The following ZNF438 variants were observed in gnomAD, a reference collection of about 807,000 sequenced individuals.
The protein encoded by ZNF438 is zinc finger protein 438.
ZNF438 carries 25 observed loss-of-function variants against 38.0 expected under a neutral mutation model. That is an observed-to-expected ratio of 0.66 (90% confidence interval 0.48 to 0.92). The LOEUF (loss-of-function observed/expected upper bound fraction) is 0.92, where lower values mean the gene tolerates loss of function less well. Among genes scored for constraint, ZNF438 ranks in the 40% least tolerant of loss-of-function variants. The pLI, the probability that ZNF438 is intolerant of heterozygous loss-of-function variation, is 0.00. For synonymous variants in ZNF438, 372 were observed against 364.1 expected, an observed-to-expected ratio of 1.02 and a Z score of -0.25; for missense variants, 1,007 against 999.6, an observed-to-expected ratio of 1.01 and a Z score of -0.10.
chr10:30,892,018 TAAAG>T (rs1320553983), intron 3 of ZNF438, among the ~76,000 whole-genome samples: 2 of 152,162 alleles, frequency 1.3e-5, no homozygotes, highest in South Asian at 2.1e-4. Flanking sequence ...AACCATAAAA[TAAAG>T]AGGCTGTCAT....
At chr10:30,998,458 G>GC (rs1444876701) in intron 1 of ZNF438, among the ~76,000 whole-genome samples, 2 of 147,286 alleles carry the variant, frequency 1.4e-5, no homozygotes, top group Admixed American at 1.4e-4. Flanking sequence ...CAGGAGAATG[G>GC]CGTGAACCCG....
chr10:30,917,870 C>G (rs2043827717), intron 2 of ZNF438, among the ~76,000 whole-genome samples: 2 of 152,106 alleles, frequency 1.3e-5, no homozygotes, highest in African/African-American at 4.8e-5. Flanking sequence ...CCTAAGAAAT[C>G]TTTGCCTACC....
At chr10:30,852,488 A>T (rs2033842214) in intron 4 of ZNF438, among the ~76,000 whole-genome samples, 1 of 152,156 alleles carries the variant, frequency 6.6e-6, no homozygotes, top group African/African-American at 2.4e-5. Context: ...GATTACAGGC[A>T]TGAGCCACCG....
chr10:30,877,052 G>T, exon 4 of ZNF438: 1 of 1,597,002 alleles, frequency 6.3e-7, no homozygotes, highest in South Asian at 1.1e-5. Flanking sequence ...TACTGGACTT[G>T]AATAGTATCT....
At chr10:30,902,712 C>T (rs1197589310) in intron 3 of ZNF438, among the ~76,000 whole-genome samples, 1 of 152,240 alleles carries the variant, frequency 6.6e-6, no homozygotes, top group Non-Finnish European at 1.5e-5. Flanking sequence ...AAAAGTTTTC[C>T]AAGTCCTCAC....
chr10:31,011,648 A>G (rs1440175362), intron 1 of ZNF438, among the ~76,000 whole-genome samples: 1 of 152,164 alleles, frequency 6.6e-6, no homozygotes, highest in Admixed American at 6.5e-5. Context: ...TTAAAGGAAT[A>G]GCAACGAGAT....
At chr10:30,895,050 G>A (rs928329884) in intron 3 of ZNF438, among the ~76,000 whole-genome samples, 4 of 152,164 alleles carry the variant, frequency 2.6e-5, no homozygotes, top group African/African-American at 7.2e-5. Context: ...TAACACATAG[G>A]AAAGATGAGA....
At chr10:30,901,705 T>C (rs1589103112) in intron 3 of ZNF438, among the ~76,000 whole-genome samples, 1 of 151,510 alleles carries the variant, frequency 6.6e-6, no homozygotes. Flanking sequence ...TAGGCGATGG[T>C]CCCTTCGTGG....
intron 2 of ZNF438, among the ~76,000 whole-genome samples, chr10:30,926,050 T>C (rs2044873883): frequency 6.6e-6 from 1 of 152,154 alleles, no homozygotes; most frequent in Non-Finnish European, 1.5e-5. Flanking sequence ...CACACAGTCA[T>C]AAAACACTTA....
chr10:31,021,548 A>G (rs1342603411), intron 1 of ZNF438, among the ~76,000 whole-genome samples: 1 of 152,162 alleles, frequency 6.6e-6, no homozygotes, highest in Non-Finnish European at 1.5e-5. Context: ...TGGTTATGCT[A>G]TATATCATTT....
At chr10:30,853,452 G>C (rs2034059911) in intron 4 of ZNF438, among the ~76,000 whole-genome samples, 1 of 152,142 alleles carries the variant, frequency 6.6e-6, no homozygotes, top group African/African-American at 2.4e-5. Context: ...TCCAGCCATG[G>C]TGGCCTCTTT....
exon 5 of ZNF438, chr10:30,849,352 C>T: frequency 6.2e-7 from 1 of 1,614,256 alleles, no homozygotes; most frequent in Non-Finnish European, 8.5e-7. Context: ...TCTGCTGTGA[C>T]ACTTGTGGAA....
intron 4 of ZNF438, among the ~76,000 whole-genome samples, chr10:30,858,140 C>T (rs1588817145): frequency 6.6e-6 from 1 of 152,234 alleles, no homozygotes; most frequent in African/African-American, 2.4e-5. Flanking sequence ...TTGAAACAGG[C>T]CCCCTGGATC....
At chr10:30,998,464 A>G (rs1362764208) in intron 1 of ZNF438, among the ~76,000 whole-genome samples, 2 of 140,906 alleles carry the variant, frequency 1.4e-5, no homozygotes, top group Non-Finnish European at 3.0e-5. Context: ...AATGGCGTGA[A>G]CCCGAGAGGC....
intron 1 of ZNF438, among the ~76,000 whole-genome samples, chr10:30,994,151 A>G (rs985317276): frequency 2.6e-5 from 4 of 152,230 alleles, no homozygotes; most frequent in African/African-American, 9.6e-5. Context: ...TTTACATGAG[A>G]CTTGGAACTT....
In ZNF438 at chr10:30,845,348, G is replaced by A. The variant is rs1367364541; in HGVS notation, c.2100C>T (p.Asp700=). 4 of 1,614,148 alleles carry A rather than the reference G, an allele frequency of 2.5e-6. No individual in the cohort carries two copies. In the Admixed American group the frequency reaches 5.0e-5, roughly 20 times the overall value. Reference sequence around the variant, plus strand: ...TCCCTCTCTCAGGATGCCTTTTCCAGTCGGGGCTAGCGTGCTGCACCAACT... The same window carrying A: ...TCCCTCTCTCAGGATGCCTTTTCCAATCGGGGCTAGCGTGCTGCACCAACT... The change falls in exon 6 of 6, where the codon GAC becomes GAT. Residue 700 remains aspartate, a synonymous_variant. Transcript: ENST00000413025.
chr10:30,986,908 T>G (rs1229278416), intron 1 of ZNF438, among the ~76,000 whole-genome samples: 3 of 152,222 alleles, frequency 2.0e-5, no homozygotes, highest in Non-Finnish European at 4.4e-5. Context: ...TTTACAGTGA[T>G]AACACAATTA....
chr10:30,965,494 T>C (rs2050008612), intron 1 of ZNF438, among the ~76,000 whole-genome samples: 1 of 152,222 alleles, frequency 6.6e-6, no homozygotes, highest in South Asian at 2.1e-4. Flanking sequence ...GACAGCACTA[T>C]GTACAATAGC....
intron 1 of ZNF438, among the ~76,000 whole-genome samples, chr10:30,985,271 T>C (rs1372030603): frequency 7.2e-5 from 11 of 152,210 alleles, no homozygotes; most frequent in Non-Finnish European, 1.6e-4. Context: ...TCCCTGCTCA[T>C]GGCTAGCTTA....
Sources: gnomAD v4.1 joint callset for allele counts (sites outside exome capture counted in the v4.1 genomes callset) on GRCh38, gnomAD v4.1.1 for gene constraint, MANE v1.5 for transcripts, NCBI Gene and HGNC (gene_info 2026-07-23, HGNC 2026-07-21) for gene names.